RASGEF1C: variants seen among roughly 807,000 people sequenced by gnomAD.
The protein encoded by RASGEF1C is RasGEF domain family member 1C.
Under a neutral mutation model 58.1 loss-of-function variants are expected in RASGEF1C, and 27 were observed. The ratio of observed to expected loss-of-function variants is 0.46; its 90% CI spans 0.34 to 0.64. The LOEUF is 0.64. Ranked by LOEUF, RASGEF1C falls within the 30% of genes least tolerant of loss-of-function variation. RASGEF1C has a pLI of 0.01. For synonymous variants in RASGEF1C, 243 were observed against 246.3 expected (o/e 0.99, Z 0.13); for missense variants, 502 against 605.1 (o/e 0.83, Z 1.79).
intron 1 of RASGEF1C, among the ~76,000 whole-genome samples, chr5:180,207,653 G>A (rs1018517107): frequency 3.8e-4 from 36 of 94,416 alleles, no homozygotes; most frequent in African/African-American, 1.3e-3. Context: ...CTCCTGCCCC[G>A]GCAGTGCGCC....
chr5:180,174,084 G>C (rs1767169599), intron 1 of RASGEF1C, among the ~76,000 whole-genome samples: 1 of 151,972 alleles, frequency 6.6e-6, no homozygotes, highest in African/African-American at 2.4e-5. Context: ...GAGACGGTGG[G>C]CACCAGAGAA....
intron 1 of RASGEF1C, 86 bp from the exon 2 acceptor site, chr5:180,138,144 C>T (rs921230160): frequency 2.5e-6 from 2 of 791,582 alleles, no homozygotes; most frequent in Non-Finnish European, 3.8e-6. Context: ...TCCCGGGGCT[C>T]CTGGCTGGGC....
At chr5:180,192,401 G>C (rs779330564) in intron 1 of RASGEF1C, among the ~76,000 whole-genome samples, 3 of 152,080 alleles carry the variant, frequency 2.0e-5, no homozygotes, top group Non-Finnish European at 4.4e-5. Context: ...AGGCTCTCAA[G>C]AGTGTTCACA....
intron 1 of RASGEF1C, among the ~76,000 whole-genome samples, chr5:180,154,304 G>A (rs189933712): frequency 6.6e-6 from 1 of 152,168 alleles, no homozygotes; most frequent in Admixed American, 6.5e-5. Flanking sequence ...TAAGGGATAG[G>A]GAGCTGAACT....
intron 1 of RASGEF1C, among the ~76,000 whole-genome samples, chr5:180,194,861 G>A (rs553223095): frequency 6.6e-6 from 1 of 152,342 alleles, no homozygotes; most frequent in East Asian, 1.9e-4. Flanking sequence ...GCGGTGGAGC[G>A]TGCTGAGTGA....
chr5:180,164,854 T>G (rs1305594134), intron 1 of RASGEF1C, among the ~76,000 whole-genome samples: 1 of 152,234 alleles, frequency 6.6e-6, no homozygotes, highest in African/African-American at 2.4e-5. Flanking sequence ...TGTCTCCTAC[T>G]AAGAGAGGAG....
chr5:180,198,523 A>G lies in RASGEF1C; in HGVS notation c.-7+10505T>C, dbSNP rs1255365252. Among the ~76,000 whole-genome samples the G allele has an allele frequency of 6.6e-6, 1 of 152,182 alleles. No individual in the cohort carries two copies. The highest frequency in any genetic ancestry group is 2.4e-5 in the African/African-American group (1 of 41,454). ...AGTTCTAGAGGCAGAGAAGTCCAAG[A>G]TCAAGTTGCTCTCTGCTCCACAGAG... is the stretch of plus-strand genomic sequence containing the variant. On this transcript the variant is annotated intron_variant, in intron 1 of 13. Coordinates refer to ENST00000361132, the MANE Select transcript of RASGEF1C (RefSeq NM_175062.4). The surrounding 1 kb of genome is among the most constrained non-coding windows in gnomAD (Gnocchi z 4.5).
chr5:180,115,428 C>G (rs1220593532), intron 10 of RASGEF1C: 1 of 337,864 alleles, frequency 3.0e-6, no homozygotes, highest in Non-Finnish European at 5.9e-6. Flanking sequence ...TCACGGACCC[C>G]GCCTGTGAAG....
Position 180,137,731 on chromosome 5 carries a change from A to G in RASGEF1C, c.178-19T>C, listed in dbSNP as rs1385642333. 6.2e-6 allele frequency: 10 copies of G among 1,612,620 alleles called. No homozygotes were observed. The highest frequency in any genetic ancestry group is 8.5e-6 in the Non-Finnish European group (10 of 1,179,790). ...AGGCTTTCTGGGGGACACACGAGAA[A>G]GAGGGCACAGGCTCAGGAGGGCACC... On this transcript the variant is annotated intron_variant, in intron 2 of 13. Transcript: ENST00000361132. This position sits in a 1 kb window ranked among gnomAD's most constrained non-coding sequence, Gnocchi z 4.1.
At chr5:180,163,254 C>CTTTTTTTTTTTTTTTTTTTT in intron 1 of RASGEF1C, among the ~76,000 whole-genome samples, 951 of 70,994 alleles carry the variant, frequency 0.013, 228 homozygotes, top group South Asian at 0.022. Flanking sequence ...TTTTTTTTTC[C>CTTTTTTTTTTTTTTTTTTTT]AGCCTATTGC....
In RASGEF1C at chr5:180,138,165, C is replaced by T. The variant is rs911742306; in HGVS notation, c.-6-107G>A. On this transcript the variant is annotated intron_variant, in intron 1 of 13. Coordinates refer to ENST00000361132, the MANE Select transcript of RASGEF1C (RefSeq NM_175062.4). ...GGCTCCTGGCTGGGCAGGCTCCCCC[C>T]ACAGCCACTTTGTGCCAGCTTGAGT... 2.7e-5 allele frequency: 17 copies of T among 635,232 alleles called. No individual in the cohort carries two copies. The African/African-American group carries it at 2.8e-4, about 11-fold the overall frequency. The allele number at this position is 635,232 out of a possible 1,614,324, so 39.3% of individuals were successfully genotyped here.
intron 1 of RASGEF1C, among the ~76,000 whole-genome samples, chr5:180,159,900 G>T (rs1766911829): frequency 6.6e-6 from 1 of 152,248 alleles, no homozygotes; most frequent in Admixed American, 6.5e-5. Context: ...CCGAGCAGAT[G>T]AATGTGAGCT....
chr5:180,118,616 C>T lies in RASGEF1C; in HGVS notation c.1076G>A (p.Arg359Gln), dbSNP rs775373995. The change falls in exon 10 of 14, where the codon CGA (arginine) becomes CAA (glutamine). Residue 359 changes from arginine (R) to glutamine (Q), a missense_variant. Coordinates refer to ENST00000361132, the MANE Select transcript of RASGEF1C (RefSeq NM_175062.4). ...AHRSLTAHSS[R>Q]EKIVIPFFSL... ...AACGTGGCCCCGACCTACCTTCTCTCGGCTGCTGTGGGCCGTCAGGGAGCG... is the reference window on the plus strand; with the variant it reads ...AACGTGGCCCCGACCTACCTTCTCTTGGCTGCTGTGGGCCGTCAGGGAGCG... The T allele has an allele frequency of 2.5e-5, 40 of 1,609,984 alleles. No homozygotes were observed. Among genetic ancestry groups the T allele is most frequent in the Admixed American group, 8.4e-5 (5 of 59,610 alleles).
At chr5:180,123,745 A>G (rs1766213334) in intron 6 of RASGEF1C, among the ~76,000 whole-genome samples, 1 of 152,134 alleles carries the variant, frequency 6.6e-6, no homozygotes, top group African/African-American at 2.4e-5. Context: ...AAAAAACTGC[A>G]ATCTACAGAA....
At chr5:180,101,939 C>T (rs1221805572) in intron 13 of RASGEF1C, 132 bp downstream of exon 13, 12 of 678,758 alleles carry the variant, frequency 1.8e-5, no homozygotes, top group Admixed American at 1.1e-4. Context: ...GCTGGTGAGC[C>T]GGGTATCTCT....
At chr5:180,128,364 T>C in intron 5 of RASGEF1C, 46 bp downstream of exon 5, 1 of 1,532,994 alleles carries the variant, frequency 6.5e-7, no homozygotes, top group Non-Finnish European at 9.0e-7. Context: ...TATCTGTGTG[T>C]GTCCTGCTGA....
At chr5:180,114,221 T>C (rs1013400622) in intron 11 of RASGEF1C, among the ~76,000 whole-genome samples, 1 of 152,188 alleles carries the variant, frequency 6.6e-6, no homozygotes, top group Non-Finnish European at 1.5e-5. Flanking sequence ...TCACCTGTGC[T>C]GGCCGTGCGG....
intron 1 of RASGEF1C, among the ~76,000 whole-genome samples, chr5:180,176,043 A>G (rs1767220748): frequency 6.6e-6 from 1 of 152,356 alleles, no homozygotes. Flanking sequence ...AGACAGTGAC[A>G]ATGCTGCATT....
At chr5:180,169,341 C>G (rs1392849717) in intron 1 of RASGEF1C, among the ~76,000 whole-genome samples, 1 of 152,204 alleles carries the variant, frequency 6.6e-6, no homozygotes, top group East Asian at 1.9e-4. Context: ...CCCACCTCGC[C>G]TCGGAGTAAG....
Sources: allele counts gnomAD v4.1 joint callset (sites outside exome capture counted in the v4.1 genomes callset), GRCh38; gene constraint gnomAD v4.1.1; non-coding constraint Gnocchi (gnomAD v3.1); transcripts MANE v1.5; gene names NCBI Gene and HGNC (gene_info 2026-07-23, HGNC 2026-07-21).